The following BRINP3 variants were observed in gnomAD, a reference collection of about 807,000 sequenced individuals.
The protein encoded by BRINP3 is BMP/retinoic acid inducible neural specific 3.
In BRINP3, 19 loss-of-function variants were observed where a neutral mutation model predicts 71.0. That is an observed-to-expected ratio of 0.27 (90% CI 0.19 to 0.39). The LOEUF (loss-of-function observed/expected upper bound fraction) is 0.39. Ranked by LOEUF, BRINP3 falls within the 10% of genes least tolerant of loss-of-function variation. BRINP3 has a pLI of 1.00. For synonymous variants in BRINP3, 380 were observed against 337.7 expected (o/e 1.13, Z -1.37); for missense variants, 959 against 940.8 (o/e 1.02, Z -0.25).
At chr1:190,232,365 A>C (rs1218323732) in intron 5 of BRINP3, among the ~76,000 whole-genome samples, 1 of 152,094 alleles carries the variant, frequency 6.6e-6, no homozygotes, top group Non-Finnish European at 1.5e-5. Context: ...GAGGGGTAGT[A>C]CAAAAGGAGA....
At chr1:190,120,696 A>G (rs945964743) in intron 7 of BRINP3, among the ~76,000 whole-genome samples, 11 of 150,740 alleles carry the variant, frequency 7.3e-5, no homozygotes, top group African/African-American at 2.7e-4. Flanking sequence ...GTAAAGACGG[A>G]ATTTCAACAT....
At chr1:190,305,589 A>G (rs1051315358) in intron 2 of BRINP3, among the ~76,000 whole-genome samples, 2 of 151,560 alleles carry the variant, frequency 1.3e-5, no homozygotes, top group Admixed American at 1.3e-4. Flanking sequence ...AAGCAAGGAG[A>G]AGAGGGGGAG....
intron 6 of BRINP3, among the ~76,000 whole-genome samples, chr1:190,211,801 A>G (rs1656013124): frequency 6.6e-6 from 1 of 152,118 alleles, no homozygotes; most frequent in Non-Finnish European, 1.5e-5. Context: ...ATGTCAGATG[A>G]TGTTAAAAAT....
At chr1:190,278,017 A>C (rs1662739642) in intron 3 of BRINP3, among the ~76,000 whole-genome samples, 1 of 151,746 alleles carries the variant, frequency 6.6e-6, no homozygotes, top group Admixed American at 6.6e-5. Flanking sequence ...CACTGGCTTT[A>C]TCTGTCATAA....
intron 5 of BRINP3, among the ~76,000 whole-genome samples, chr1:190,228,331 A>G (rs1311614227): frequency 2.0e-5 from 3 of 151,992 alleles, no homozygotes; most frequent in Non-Finnish European, 4.4e-5. Flanking sequence ...ACAGTAATTG[A>G]GTGTGGACTA....
At chr1:190,365,589 AATATT>A (rs1258164983) in intron 2 of BRINP3, among the ~76,000 whole-genome samples, 4 of 146,216 alleles carry the variant, frequency 2.7e-5, no homozygotes, top group Admixed American at 6.9e-5. Context: ...ATATTAATTT[AATATT>A]ATAACAATTA....
At chr1:190,366,744 C>A (rs1669530897) in intron 2 of BRINP3, among the ~76,000 whole-genome samples, 2 of 152,122 alleles carry the variant, frequency 1.3e-5, no homozygotes, top group African/African-American at 4.8e-5. Flanking sequence ...GAAATGCAAG[C>A]AATTGGCCAA....
At chr1:190,218,231 C>T (rs1656575547) in intron 6 of BRINP3, among the ~76,000 whole-genome samples, 1 of 151,834 alleles carries the variant, frequency 6.6e-6, no homozygotes, top group South Asian at 2.1e-4. Flanking sequence ...GGCATCATTG[C>T]CCTGATTCAT....
intron 1 of BRINP3, among the ~76,000 whole-genome samples, chr1:190,459,406 A>T (rs1676234005): frequency 6.6e-6 from 1 of 151,848 alleles, no homozygotes; most frequent in South Asian, 2.1e-4. Context: ...CTGATATATC[A>T]TATATATTTG....
intron 1 of BRINP3, chr1:190,474,703 AGGAG>A (rs1314677425): frequency 6.6e-6 from 1 of 152,196 alleles, no homozygotes; most frequent in African/African-American, 2.4e-5. Context: ...TCCTGTTACA[AGGAG>A]GTTCCTTCTC....
rs372234223 is a variant in BRINP3, at chr1:190,458,665, G to A, written c.-50-3725C>T. On this transcript the variant is annotated intron_variant, in intron 1 of 7. Transcript: ENST00000367462. ...TTAGTAAATAGAGTTTGTTTGTTAC[G>A]ATGTAGTGTTAGGATATTTTGAGGT... Among the ~76,000 whole-genome samples the A allele has an allele frequency of 3.9e-5, 6 of 152,014 alleles. No homozygotes were observed. The South Asian group carries it at 8.3e-4, about 21-fold the overall frequency.
rs1035435989 is a variant in BRINP3 at position 190,224,071 on chromosome 1, C to A, written c.961+2011G>T. On this transcript the variant is annotated intron_variant, in intron 6 of 7. Coordinates refer to ENST00000367462, the MANE Select transcript of BRINP3 (RefSeq NM_199051.3). ...TGTTAAAATGACAATACTACTAAAG[C>A]AATTTACGGATTCAGCACAATCCCC... is the stretch of plus-strand genomic sequence containing the variant. 3.3e-5 allele frequency among the ~76,000 whole-genome samples: 5 copies of A among 151,578 alleles called. No individual in the cohort carries two copies. The East Asian group carries it at 9.7e-4, about 29-fold the overall frequency.
At chr1:190,189,867 T>C (rs574532714) in intron 6 of BRINP3, among the ~76,000 whole-genome samples, 1 of 152,310 alleles carries the variant, frequency 6.6e-6, no homozygotes, top group Admixed American at 6.5e-5. Flanking sequence ...TACAGGTACT[T>C]AGACTTTATA....
chr1:190,472,824 C>CA (rs1041983666), intron 1 of BRINP3, among the ~76,000 whole-genome samples: 1 of 151,462 alleles, frequency 6.6e-6, no homozygotes, highest in Non-Finnish European at 1.5e-5. Context: ...CACACACACA[C>CA]ACACACACAC....
intron 2 of BRINP3, among the ~76,000 whole-genome samples, chr1:190,434,649 A>G (rs1471742548): frequency 1.3e-5 from 2 of 152,030 alleles, no homozygotes; most frequent in Non-Finnish European, 2.9e-5. Context: ...ATTAATATAA[A>G]TAACATCTTA....
At chr1:190,277,510 T>C (rs887144170) in intron 3 of BRINP3, among the ~76,000 whole-genome samples, 1 of 151,704 alleles carries the variant, frequency 6.6e-6, no homozygotes, top group African/African-American at 2.4e-5. Flanking sequence ...TTTTAATGAA[T>C]ATTTTGGTCT....
chr1:190,220,025 A>G (rs1476295803), intron 6 of BRINP3, among the ~76,000 whole-genome samples: 2 of 152,018 alleles, frequency 1.3e-5, no homozygotes. Flanking sequence ...AGCAAGATCA[A>G]GGAGTGGAAA....
intron 7 of BRINP3, among the ~76,000 whole-genome samples, chr1:190,157,339 G>A (rs944630716): frequency 2.0e-5 from 3 of 151,938 alleles, no homozygotes; most frequent in Non-Finnish European, 2.9e-5. Flanking sequence ...CTGGACCCAC[G>A]CAGTTCAAAC....
intron 6 of BRINP3, among the ~76,000 whole-genome samples, chr1:190,221,517 A>C (rs1391274543): frequency 6.6e-6 from 1 of 152,162 alleles, no homozygotes. Context: ...AAGAGACTAA[A>C]ACGAACCAGA....
Sources: allele counts gnomAD v4.1 joint callset (sites outside exome capture counted in the v4.1 genomes callset), GRCh38; gene constraint gnomAD v4.1.1; transcripts MANE v1.5; gene names NCBI Gene and HGNC (gene_info 2026-07-23, HGNC 2026-07-21).